The following BPNT1 variants were observed in gnomAD, a reference collection of about 807,000 sequenced individuals.
BPNT1 encodes the protein 3'(2'), 5'-bisphosphate nucleotidase 1, also known as 3'(2'),5'-bisphosphate nucleotidase 1.
Under a neutral mutation model 36.9 loss-of-function variants are expected in BPNT1, and 28 were observed. The ratio of observed to expected loss-of-function variants is 0.76; its 90% CI spans 0.56 to 1.04. The LOEUF (loss-of-function observed/expected upper bound fraction) is 1.04. Ranked by LOEUF, BPNT1 falls within the 50% of genes least tolerant of loss-of-function variation. The pLI, the probability that BPNT1 is intolerant of heterozygous loss-of-function variation, is 0.00. For synonymous variants in BPNT1, 119 were observed against 130.9 expected, an observed-to-expected ratio of 0.91 and a Z score of 0.62; for missense variants, 313 against 372.9, an observed-to-expected ratio of 0.84 and a Z score of 1.32.
chr1:220,081,282 C>T (rs1256819053), intron 1 of BPNT1, among the ~76,000 whole-genome samples: 1 of 152,106 alleles, frequency 6.6e-6, no homozygotes, highest in Non-Finnish European at 1.5e-5. Context: ...GTGACTAACG[C>T]CTGTAATCCC....
chr1:220,072,493 TTTG>T (rs1481976393), intron 4 of BPNT1, among the ~76,000 whole-genome samples: 2 of 152,190 alleles, frequency 1.3e-5, no homozygotes. Flanking sequence ...TTTTGTATTT[TTTG>T]TTGAGACAGA....
chr1:220,071,861 A>G (rs1270986885), intron 4 of BPNT1, among the ~76,000 whole-genome samples: 1 of 151,516 alleles, frequency 6.6e-6, no homozygotes, highest in African/African-American at 2.4e-5. Context: ...CTAATTTTGT[A>G]TTTTTAGAAG....
intron 7 of BPNT1, among the ~76,000 whole-genome samples, chr1:220,062,413 G>A (rs980706306): frequency 2.0e-5 from 3 of 151,378 alleles, no homozygotes; most frequent in South Asian, 2.1e-4. Flanking sequence ...TTGTCCTTGC[G>A]ATAGTTTACT....
chr1:220,080,086 G>A (rs1470881309), intron 1 of BPNT1, among the ~76,000 whole-genome samples: 1 of 152,180 alleles, frequency 6.6e-6, no homozygotes, highest in African/African-American at 2.4e-5. Context: ...GATGAGACAT[G>A]TCAAAGCATA....
At chr1:220,072,426 C>T (rs909668373) in intron 4 of BPNT1, among the ~76,000 whole-genome samples, 1 of 151,816 alleles carries the variant, frequency 6.6e-6, no homozygotes, top group African/African-American at 2.4e-5. Flanking sequence ...GTGATCCTCC[C>T]ATCTCAACCT....
At chr1:220,082,592 CT>C (rs911859133) in intron 1 of BPNT1, among the ~76,000 whole-genome samples, 2 of 145,412 alleles carry the variant, frequency 1.4e-5, no homozygotes, top group Admixed American at 6.8e-5. Flanking sequence ...CATCTTTTTT[CT>C]TTTTTTTTTC....
intron 2 of BPNT1, among the ~76,000 whole-genome samples, chr1:220,079,314 G>A (rs982346439): frequency 6.6e-6 from 1 of 151,756 alleles, no homozygotes; most frequent in Non-Finnish European, 1.5e-5. Flanking sequence ...GTGCAATGGC[G>A]CAATCTCGGC....
At chr1:220,079,604 A>T (rs547929154) in intron 2 of BPNT1, 123 bp downstream of exon 2, 562 of 1,193,494 alleles carry the variant, frequency 4.7e-4, no homozygotes, top group Middle Eastern at 8.9e-4. Flanking sequence ...AGCGTCTTGC[A>T]GTCTCCCTAA....
At chr1:220,061,573 T>A (rs1663043516) in intron 7 of BPNT1, among the ~76,000 whole-genome samples, 1 of 149,344 alleles carries the variant, frequency 6.7e-6, no homozygotes, top group Non-Finnish European at 1.5e-5. Flanking sequence ...AGAAGATACA[T>A]AAGTAGGACC....
rs1571770613 is a variant in BPNT1 at position 220,073,878 on chromosome 1, A to T, written c.225+89T>A. On this transcript the variant is annotated intron_variant, in intron 3 of 8. Coordinates refer to ENST00000322067, the MANE Select transcript of BPNT1 (RefSeq NM_006085.6). ...AACAATAAATATAATGCTTAAAATC[A>T]TAATAGTGGTATATAAATCATTAAA... 1.5e-5 allele frequency: 16 copies of T among 1,097,808 alleles called. No individual in the cohort carries two copies. In the East Asian group the frequency reaches 3.8e-4, roughly 26 times the overall value. The allele number at this position is 1,097,808 out of a possible 1,614,324, so 68.0% of individuals were successfully genotyped here.
intron 7 of BPNT1, among the ~76,000 whole-genome samples, chr1:220,061,483 G>A (rs1435172242): frequency 3.4e-5 from 5 of 148,840 alleles, no homozygotes; most frequent in South Asian, 2.1e-4. Context: ...GCAGTGAGCC[G>A]AGATTGTGCC....
chr1:220,063,943 ATGAT>A lies in BPNT1; in HGVS notation c.475-993_475-990del, dbSNP rs1663293878. On this transcript the variant is annotated intron_variant, in intron 6 of 8. Transcript: ENST00000322067. ...ATGGAAAGTAAAACTGATACATAAA[ATGAT>A]TGATGCAAAGTCATCAAAATACAAT... Among the ~76,000 whole-genome samples the A allele has an allele frequency of 9.8e-5, 15 of 152,336 alleles. No individual in the cohort carries two copies. The South Asian group carries it at 3.1e-3, about 32-fold the overall frequency.
chr1:220,068,319 G>A (rs1330895275), intron 5 of BPNT1, among the ~76,000 whole-genome samples: 4 of 151,998 alleles, frequency 2.6e-5, no homozygotes, highest in Admixed American at 2.0e-4. Flanking sequence ...AAGTAGCTGG[G>A]ATTACAGACG....
intron 1 of BPNT1, among the ~76,000 whole-genome samples, chr1:220,083,669 G>A (rs1211414049): frequency 6.6e-6 from 1 of 152,050 alleles, no homozygotes; most frequent in Non-Finnish European, 1.5e-5. Context: ...GAACTGCACC[G>A]GTCCACTTTG....
At position 220,057,761 on chromosome 1, in the gene BPNT1, C is replaced by A. The variant is rs1436909592; in HGVS notation, c.*1083G>T. ...AATAATTTATTTAAAAAAAACTTTTCTCATAAATCTGTTTCATAAGCATAT... is the reference window on the plus strand; with the variant it reads ...AATAATTTATTTAAAAAAAACTTTTATCATAAATCTGTTTCATAAGCATAT... On this transcript the variant is annotated 3_prime_UTR_variant, in exon 9 of 9. Coordinates refer to ENST00000322067, the MANE Select transcript of BPNT1 (RefSeq NM_006085.6). 3.4e-6 allele frequency: 3 copies of A among 883,694 alleles called. No homozygotes were observed. Among genetic ancestry groups the A allele is most frequent in the Non-Finnish European group, 4.7e-6 (3 of 633,836 alleles). The allele number at this position is 883,694 out of a possible 1,614,324, so 54.7% of individuals were successfully genotyped here.
chr1:220,071,804 C>T (rs1003958468), intron 4 of BPNT1, among the ~76,000 whole-genome samples: 1 of 152,136 alleles, frequency 6.6e-6, no homozygotes, highest in Admixed American at 6.5e-5. Context: ...TCTCCTGCCT[C>T]AGCCTCCTGA....
intron 6 of BPNT1, 27 bp from the exon 7 acceptor site, chr1:220,062,981 CTT>C: frequency 2.5e-6 from 4 of 1,608,042 alleles, no homozygotes; most frequent in Non-Finnish European, 3.4e-6. Flanking sequence ...AACAACAAGA[CTT>C]GTGGTTATTT....
intron 2 of BPNT1, among the ~76,000 whole-genome samples, chr1:220,079,264 T>C (rs971402547): frequency 6.6e-6 from 1 of 151,970 alleles, no homozygotes; most frequent in Non-Finnish European, 1.5e-5. Flanking sequence ...TTTTTTTTTC[T>C]TTTTTTGAGA....
At chr1:220,088,682 C>A (rs1203317490) in intron 1 of BPNT1, among the ~76,000 whole-genome samples, 2 of 150,376 alleles carry the variant, frequency 1.3e-5, no homozygotes, top group African/African-American at 2.4e-5. Flanking sequence ...CCCAGCTGCT[C>A]GGGAGGCTGA....
Sources: gnomAD v4.1 joint callset for allele counts (sites outside exome capture counted in the v4.1 genomes callset) on GRCh38, gnomAD v4.1.1 for gene constraint, MANE v1.5 for transcripts, NCBI Gene and HGNC (gene_info 2026-07-23, HGNC 2026-07-21) for gene names.